The following SLC13A2 variants were observed in gnomAD, a reference collection of about 807,000 sequenced individuals.
SLC13A2 encodes the protein solute carrier family 13 member 2.
SLC13A2 carries 40 observed loss-of-function variants against 58.5 expected under a neutral mutation model. The ratio of observed to expected loss-of-function variants is 0.68; its 90% CI spans 0.53 to 0.89. The LOEUF is 0.89. Ranked by LOEUF, SLC13A2 falls within the 40% of genes least tolerant of loss-of-function variation. SLC13A2 has a pLI of 0.00. For synonymous variants in SLC13A2, 341 were observed against 331.6 expected (o/e 1.03, Z -0.31); for missense variants, 694 against 772.6 (o/e 0.90, Z 1.21).
In SLC13A2 at chr17:28,494,167, T is replaced by G; in HGVS notation, c.1186+62T>G. On this transcript the variant is annotated intron_variant, in intron 8 of 11. Coordinates refer to ENST00000314669, the MANE Select transcript of SLC13A2 (RefSeq NM_003984.4). The surrounding 1 kb of genome is among the most constrained non-coding windows in gnomAD (Gnocchi z 4.0). Reference sequence around the variant, plus strand: ...GCAGCCCCTGCCTTCAAGTATGTAATGTACCTTCCACCACACTTGGCAGGA... The same window carrying G: ...GCAGCCCCTGCCTTCAAGTATGTAAGGTACCTTCCACCACACTTGGCAGGA... The G allele has an allele frequency of 2.0e-6, 3 of 1,531,220 alleles. No individual in the cohort carries two copies. Among genetic ancestry groups the G allele is most frequent in the Non-Finnish European group, 2.7e-6 (3 of 1,106,280 alleles). 94.9% of individuals were successfully genotyped at this position (1,531,220 alleles called of 1,614,324 possible).
At chr17:28,493,500 T>C (rs931519735) in intron 6 of SLC13A2, 71 bp from the exon 7 acceptor site, 6 of 1,307,678 alleles carry the variant, frequency 4.6e-6, no homozygotes, top group South Asian at 1.5e-5. Context: ...CTTTAGATGG[T>C]AGGCACTCAG....
In SLC13A2 at chr17:28,490,863, C is replaced by T. The variant is rs782470431; in HGVS notation, c.531C>T (p.Phe177=). Residue 177 remains phenylalanine (F), a synonymous_variant, in exon 4 of 12, where the codon TTC becomes TTT. Transcript: ENST00000314669. The stretch of plus-strand genomic sequence containing the variant: ...AGGAGGGCAGCAACAACCCCACCTT[C>T]GAGCTCCAGGAACCAAGTCCCCAGA... ...NVEEGSNNPT[F]ELQEPSPQKE... is the part of the protein sequence containing the mutation. 6 of 1,614,082 alleles carry T rather than the reference C, an allele frequency of 3.7e-6. No individual in the cohort carries two copies. The highest frequency in any genetic ancestry group is 1.1e-5 in the South Asian group (1 of 91,062).
intron 1 of SLC13A2, among the ~76,000 whole-genome samples, chr17:28,486,729 T>C (rs1555602016): frequency 6.6e-6 from 1 of 150,958 alleles, no homozygotes; most frequent in Non-Finnish European, 1.5e-5. Flanking sequence ...ATCACAGACA[T>C]AGGCAGCAGG....
intron 1 of SLC13A2, among the ~76,000 whole-genome samples, chr17:28,485,319 C>T (rs2068858573): frequency 6.6e-6 from 1 of 152,128 alleles, no homozygotes; most frequent in African/African-American, 2.4e-5. Flanking sequence ...GGGGAGCAGC[C>T]AGTGGCCAGC....
intron 1 of SLC13A2, among the ~76,000 whole-genome samples, chr17:28,488,076 C>A (rs369191874): frequency 6.6e-6 from 1 of 152,172 alleles, no homozygotes; most frequent in African/African-American, 2.4e-5. Context: ...CCCCCACACC[C>A]ACTTTAATGG....
In SLC13A2 at chr17:28,490,898, C is replaced by T; in HGVS notation, c.566C>T (p.Thr189Ile). The change falls in exon 4 of 12, where the codon ACC (threonine) becomes ATC (isoleucine). Residue 189 changes from threonine (T) to isoleucine (I), a missense_variant. Physicochemically the swap from Thr to Ile is moderately conservative, Grantham distance 89 (BLOSUM62 -1). Transcript: ENST00000314669. ...LQEPSPQKEVTKLDNGQALPV... is the reference protein window; with the variant it reads ...LQEPSPQKEVIKLDNGQALPV... The stretch of plus-strand genomic sequence containing the variant: ...GAACCAAGTCCCCAGAAGGAGGTGA[C>T]CAAGCTTGGTGAGAAAAATGAGGCT... The T allele has an allele frequency of 1.9e-6, 3 of 1,613,232 alleles. No homozygotes were observed. Among genetic ancestry groups the T allele is most frequent in the African/African-American group, 1.3e-5 (1 of 75,004 alleles).
chr17:28,477,919 G>GA, intron 1 of SLC13A2, among the ~76,000 whole-genome samples: 1 of 152,168 alleles, frequency 6.6e-6, no homozygotes, highest in East Asian at 1.9e-4. Flanking sequence ...TTAGCCAGGT[G>GA]TGGTGGCGCA....
chr17:28,490,267 C>T (rs782266399), intron 2 of SLC13A2, 187 bp from the exon 3 acceptor site: 1 of 1,526,526 alleles, frequency 6.6e-7, no homozygotes, highest in Non-Finnish European at 8.8e-7. Flanking sequence ...GAGCCAGACC[C>T]TGTCTCCAAA....
At chr17:28,479,019 A>G (rs891229597) in intron 1 of SLC13A2, among the ~76,000 whole-genome samples, 4 of 152,058 alleles carry the variant, frequency 2.6e-5, no homozygotes, top group Non-Finnish European at 4.4e-5. Flanking sequence ...GGAGTTCAAG[A>G]CCAGCCTGGG....
rs1555603399 is a variant in SLC13A2 at position 28,491,507 on chromosome 17, C to G, written c.645C>G (p.Leu215=). ...GGGCACATCTCAGCCAGAAGCATCT[C>G]CACCTCACCCAGTGCATGAGCCTGT... ...EGRAHLSQKH[L]HLTQCMSLCV... Residue 215 remains leucine (L), a synonymous_variant, in exon 5 of 12, where the codon CTC becomes CTG. Coordinates refer to ENST00000314669, the MANE Select transcript of SLC13A2 (RefSeq NM_003984.4). The G allele has an allele frequency of 6.2e-7, 1 of 1,613,700 alleles. No homozygotes were observed. Among genetic ancestry groups the G allele is most frequent in the South Asian group, 1.1e-5 (1 of 91,092 alleles).
intron 7 of SLC13A2, 97 bp from the exon 8 acceptor site, chr17:28,493,920 T>C: frequency 6.8e-7 from 1 of 1,479,084 alleles, no homozygotes; most frequent in Non-Finnish European, 9.4e-7. Context: ...CCCAGGCTTG[T>C]CTATGGGAGA....
intron 1 of SLC13A2, among the ~76,000 whole-genome samples, chr17:28,476,293 G>A (rs573866984): frequency 6.6e-6 from 1 of 152,100 alleles, no homozygotes; most frequent in Non-Finnish European, 1.5e-5. Flanking sequence ...CATTGGCCAG[G>A]CGCAGTGGCT....
In SLC13A2 at chr17:28,473,828, G is replaced by C; in HGVS notation, c.102+14G>C. 2 of 1,610,590 alleles carry C rather than the reference G, an allele frequency of 1.2e-6. No individual in the cohort carries two copies. Among genetic ancestry groups the C allele is most frequent in the Non-Finnish European group, 1.7e-6 (2 of 1,176,948 alleles). ...GTCCCCAGTAAGGTAAGGACTTGGT[G>C]TTCTGAGCACAGATAACTCCAGGGG... On this transcript the variant is annotated intron_variant, in intron 1 of 11. Transcript: ENST00000314669.
At chr17:28,480,606 C>A (rs2068767463) in intron 1 of SLC13A2, among the ~76,000 whole-genome samples, 1 of 152,138 alleles carries the variant, frequency 6.6e-6, no homozygotes, top group African/African-American at 2.4e-5. Flanking sequence ...CTCTTCAAAC[C>A]CTGCCATCTC....
intron 1 of SLC13A2, among the ~76,000 whole-genome samples, chr17:28,486,676 G>A (rs987011657): frequency 1.3e-5 from 2 of 152,126 alleles, no homozygotes; most frequent in Non-Finnish European, 2.9e-5. Flanking sequence ...GTACTCTCGG[G>A]CACTCCCTGA....
chr17:28,494,196 G>A lies in SLC13A2; in HGVS notation c.1186+91G>A. 2 of 1,489,028 alleles carry A rather than the reference G, an allele frequency of 1.3e-6. No homozygotes were observed. Among genetic ancestry groups the A allele is most frequent in the East Asian group, 2.3e-5 (1 of 44,048 alleles). 92.2% of individuals were successfully genotyped at this position (1,489,028 alleles called of 1,614,324 possible). On this transcript the variant is annotated intron_variant, in intron 8 of 11. Coordinates refer to ENST00000314669, the MANE Select transcript of SLC13A2 (RefSeq NM_003984.4). This position sits in a 1 kb window ranked among gnomAD's most constrained non-coding sequence, Gnocchi z 4.0. ...CCTTCCACCACACTTGGCAGGAGTA[G>A]GCAAAGCCCAGAAAGGCTGGAGCGA...
chr17:28,496,468 C>T lies in SLC13A2; in HGVS notation c.1489C>T (p.His497Tyr). The T allele has an allele frequency of 6.2e-7, 1 of 1,608,352 alleles. No individual in the cohort carries two copies. The highest frequency in any genetic ancestry group is 8.5e-7 in the Non-Finnish European group (1 of 1,176,092). The stretch of plus-strand genomic sequence containing the variant: ...ACTCCAGGCCCAGGCCATCTGCCTC[C>T]ACCCTCTCTACGTCATGCTCCCCTG... Reference protein sequence around the residue: ...LASMAQAICLHPLYVMLPCTL... With the variant: ...LASMAQAICLYPLYVMLPCTL... Residue 497 changes from histidine (H) to tyrosine (Y), a missense_variant, in exon 11 of 12, where the codon CAC becomes TAC. By Grantham distance (83) the His-to-Tyr change is moderately conservative (BLOSUM62 2). Transcript: ENST00000314669. This position sits in a 1 kb window ranked among gnomAD's most constrained non-coding sequence, Gnocchi z 4.2.
At chr17:28,481,678 CTTCTCGGCTGGTTA>C (rs1463877757) in intron 1 of SLC13A2, among the ~76,000 whole-genome samples, 7 of 152,212 alleles carry the variant, frequency 4.6e-5, no homozygotes, top group African/African-American at 1.7e-4. Context: ...TGTCGTTTGA[CTTCTCGGCTGGTTA>C]TTACAGAAGT....
chr17:28,496,401 T>C lies in SLC13A2; in HGVS notation c.1471-49T>C. 6.5e-7 allele frequency: 1 copy of C among 1,549,858 alleles called. No individual in the cohort carries two copies. The highest frequency in any genetic ancestry group is 8.7e-7 in the Non-Finnish European group (1 of 1,143,662). On this transcript the variant is annotated intron_variant, in intron 10 of 11. Transcript: ENST00000314669. This position sits in a 1 kb window ranked among gnomAD's most constrained non-coding sequence, Gnocchi z 4.2. ...GAGAATTGGGGGCCATGCCCCTCCCTCTGGCTTGGGGACCAAGTTCAGCTC... is the reference window on the plus strand; with the variant it reads ...GAGAATTGGGGGCCATGCCCCTCCCCCTGGCTTGGGGACCAAGTTCAGCTC...
Sources: gnomAD v4.1 joint callset for allele counts (sites outside exome capture counted in the v4.1 genomes callset) on GRCh38, gnomAD v4.1.1 for gene constraint, Gnocchi (gnomAD v3.1) non-coding constraint, MANE v1.5 for transcripts, NCBI Gene and HGNC (gene_info 2026-07-23, HGNC 2026-07-21) for gene names.